DLG2: variants seen among roughly 807,000 people sequenced by gnomAD.
DLG2 encodes the protein disks large homolog 2.
In DLG2, 45 loss-of-function variants were observed where a neutral mutation model predicts 132.5. The ratio of observed to expected loss-of-function variants is 0.34; its 90% CI spans 0.27 to 0.44. The LOEUF is 0.44. Among genes scored for constraint, DLG2 ranks in the 20% least tolerant of loss-of-function variants. The probability of loss-of-function intolerance (pLI) is 1.00; values close to 1 mark genes in which losing one functional copy is unlikely to be tolerated. For synonymous variants in DLG2, 424 were observed against 419.6 expected (o/e 1.01, Z -0.13); for missense variants, 1,045 against 1,196.9 (o/e 0.87, Z 1.87).
intron 6 of DLG2, among the ~76,000 whole-genome samples, chr11:84,809,040 C>T (rs2076284596): frequency 6.6e-6 from 1 of 151,754 alleles, no homozygotes; most frequent in African/African-American, 2.4e-5. Flanking sequence ...CCCACAAATC[C>T]CTTAAAATTA....
intron 6 of DLG2, among the ~76,000 whole-genome samples, chr11:84,891,681 AG>A (rs1441261698): frequency 1.3e-5 from 2 of 152,194 alleles, no homozygotes; most frequent in Non-Finnish European, 2.9e-5. Flanking sequence ...CATGGCAACA[AG>A]GGTCATTTGG....
intron 6 of DLG2, among the ~76,000 whole-genome samples, chr11:85,052,428 T>C (rs1320871113): frequency 6.6e-6 from 1 of 152,180 alleles, no homozygotes; most frequent in African/African-American, 2.4e-5. Context: ...CAGGAGAGAA[T>C]AGAGGTTTTC....
chr11:83,994,391 A>T (rs1009431971), intron 11 of DLG2, among the ~76,000 whole-genome samples: 1 of 152,068 alleles, frequency 6.6e-6, no homozygotes, highest in Non-Finnish European at 1.5e-5. Context: ...GATACTTGAA[A>T]ACTAATTTTT....
At chr11:85,404,769 A>T (rs2152970154) in intron 3 of DLG2, among the ~76,000 whole-genome samples, 1 of 152,192 alleles carries the variant, frequency 6.6e-6, no homozygotes, top group African/African-American at 2.4e-5. Context: ...TGCTCCTTCC[A>T]GTAAAACATG....
chr11:84,540,620 G>A (rs954422083), intron 6 of DLG2, among the ~76,000 whole-genome samples: 1 of 152,174 alleles, frequency 6.6e-6, no homozygotes, highest in African/African-American at 2.4e-5. Flanking sequence ...CACCATTGTG[G>A]AAGTCAGTGT....
intron 18 of DLG2, among the ~76,000 whole-genome samples, chr11:83,758,765 A>G (rs2093764773): frequency 6.6e-6 from 1 of 152,168 alleles, no homozygotes; most frequent in Non-Finnish European, 1.5e-5. Flanking sequence ...TTTCAATCTT[A>G]CTTTCTAGGC....
chr11:84,326,720 T>C (rs767180557), intron 7 of DLG2, among the ~76,000 whole-genome samples: 4 of 152,220 alleles, frequency 2.6e-5, no homozygotes, highest in Non-Finnish European at 5.9e-5. Flanking sequence ...ATGTTCTGTA[T>C]ATGTTAGGTC....
intron 6 of DLG2, among the ~76,000 whole-genome samples, chr11:85,015,928 T>C (rs998812963): frequency 5.9e-5 from 9 of 152,120 alleles, no homozygotes; most frequent in African/African-American, 2.2e-4. Flanking sequence ...TGAAATGAAC[T>C]AGATTTATGA....
At chr11:84,610,040 T>C (rs1190251994) in intron 6 of DLG2, among the ~76,000 whole-genome samples, 2 of 152,140 alleles carry the variant, frequency 1.3e-5, no homozygotes, top group Non-Finnish European at 1.5e-5. Context: ...TATGCTAAGA[T>C]ACATATGTAG....
chr11:85,550,686 T>G (rs2076613716), intron 3 of DLG2, among the ~76,000 whole-genome samples: 1 of 152,260 alleles, frequency 6.6e-6, no homozygotes, highest in Non-Finnish European at 1.5e-5. Context: ...CATGGAACTT[T>G]TCCTAACAAA....
intron 6 of DLG2, among the ~76,000 whole-genome samples, chr11:84,995,729 A>T (rs35728575): frequency 0.42 from 63,634 of 150,180 alleles, 14,213 homozygotes; most frequent in East Asian, 0.61. Context: ...ATTTTTTTTT[A>T]AAAAAAAAGA....
intron 7 of DLG2, among the ~76,000 whole-genome samples, chr11:84,495,309 C>T (rs1278445458): frequency 1.3e-5 from 2 of 152,112 alleles, no homozygotes; most frequent in African/African-American, 4.8e-5. Context: ...CCTCAAGTCT[C>T]AGCTCAACAT....
At chr11:84,667,498 G>GTTTTTTTTTTTTTTT (rs57863742) in intron 6 of DLG2, among the ~76,000 whole-genome samples, 119 of 122,160 alleles carry the variant, frequency 9.7e-4, no homozygotes, top group Non-Finnish European at 1.3e-3. Flanking sequence ...TTTGTTTTTT[G>GTTTTTTTTTTTTTTT]TTTTTTTTTT....
intron 10 of DLG2, among the ~76,000 whole-genome samples, chr11:84,070,679 G>A (rs2096743093): frequency 6.6e-6 from 1 of 152,198 alleles, no homozygotes; most frequent in Non-Finnish European, 1.5e-5. Flanking sequence ...ACAACAAGGA[G>A]CATGGCATGG....
intron 8 of DLG2, among the ~76,000 whole-genome samples, chr11:84,201,922 GA>G: frequency 7.3e-6 from 1 of 136,862 alleles, no homozygotes; most frequent in South Asian, 2.3e-4. Context: ...GGGTTCAAGC[GA>G]TTCTCCTGCC....
chr11:84,064,586 G>A (rs1036964408), intron 10 of DLG2, among the ~76,000 whole-genome samples: 4 of 152,116 alleles, frequency 2.6e-5, no homozygotes, highest in Non-Finnish European at 4.4e-5. Flanking sequence ...TTGAGAGAAT[G>A]CATGTGAAAT....
intron 7 of DLG2, among the ~76,000 whole-genome samples, chr11:84,365,793 T>C (rs2098678807): frequency 6.6e-6 from 1 of 152,066 alleles, no homozygotes; most frequent in Non-Finnish European, 1.5e-5. Flanking sequence ...CAGGAGCAGG[T>C]TGTTCAGTTT....
intron 8 of DLG2, among the ~76,000 whole-genome samples, chr11:84,218,193 A>G (rs2096861780): frequency 6.6e-6 from 1 of 150,652 alleles, no homozygotes; most frequent in Non-Finnish European, 1.5e-5. Flanking sequence ...AAAGAAACAA[A>G]GAAGGAAAGG....
chr11:84,880,583 G>C (rs570439813), intron 6 of DLG2, among the ~76,000 whole-genome samples: 1 of 152,210 alleles, frequency 6.6e-6, no homozygotes, highest in African/African-American at 2.4e-5. Flanking sequence ...AGATGATGAA[G>C]ATTCTTTGAA....
Sources: gnomAD v4.1 joint callset for allele counts (sites outside exome capture counted in the v4.1 genomes callset) on GRCh38, gnomAD v4.1.1 for gene constraint, MANE v1.5 for transcripts, NCBI Gene and HGNC (gene_info 2026-07-23, HGNC 2026-07-21) for gene names.